CD53: variants seen among roughly 807,000 people sequenced by gnomAD.
CD53 encodes the protein leukocyte surface antigen CD53.
A neutral mutation model predicts 27.3 loss-of-function variants in CD53; 20 were observed. The observed-to-expected ratio is 0.73, with a 90% CI of 0.52 to 1.07. CD53 has a LOEUF of 1.07. Ranked by LOEUF, CD53 falls within the 50% of genes least tolerant of loss-of-function variation. CD53 has a pLI of 0.00. For synonymous variants in CD53, 106 were observed against 105.3 expected, an observed-to-expected ratio of 1.01 and a Z score of -0.04; for missense variants, 216 against 264.0, an observed-to-expected ratio of 0.82 and a Z score of 1.26.
intron 3 of CD53, among the ~76,000 whole-genome samples, chr1:110,893,951 A>G (rs1656955652): frequency 6.6e-6 from 1 of 152,210 alleles, no homozygotes; most frequent in African/African-American, 2.4e-5. Context: ...ACCCAGAGGT[A>G]TCCCTGATCT....
At position 110,899,915 on chromosome 1, in the gene CD53, TATCTC is replaced by T. The variant is rs1011520941; in HGVS notation, c.*722_*726del. The T allele has an allele frequency of 4.6e-5, 7 of 152,556 alleles. No individual in the cohort carries two copies. Among genetic ancestry groups the T allele is most frequent in the African/African-American group, 1.7e-4 (7 of 41,426 alleles). The allele number at this position is 152,556 out of a possible 1,614,324, so 9.5% of individuals were successfully genotyped here. ...TACTCTTCAATAAATAAAAGTTTAT[TATCTC>T]AATCACAACATTGCTATATATCAAA... On this transcript the variant is annotated 3_prime_UTR_variant, in exon 8 of 8. Coordinates refer to ENST00000271324, the MANE Select transcript of CD53 (RefSeq NM_000560.4).
chr1:110,875,185 T>A (rs114136501), intron 1 of CD53, among the ~76,000 whole-genome samples: 1 of 152,166 alleles, frequency 6.6e-6, no homozygotes, highest in Non-Finnish European at 1.5e-5. Flanking sequence ...CAAAGAAGTG[T>A]GTACCTCCAG....
rs538457820 is a variant in CD53 at position 110,884,221 on chromosome 1, T to A, written c.-17-7171T>A. ...TTTCAACATGTTTTTAAAGTTTTTC[T>A]CAATTCAGAATTCTAATTTTCTCTT... is the stretch of plus-strand genomic sequence containing the variant. On this transcript the variant is annotated intron_variant, in intron 1 of 7. Transcript: ENST00000271324. Among the ~76,000 whole-genome samples, 41 of 152,242 alleles carry A rather than the reference T, an allele frequency of 2.7e-4. No homozygotes were observed. In the South Asian group the frequency reaches 8.3e-3, roughly 31 times the overall value.
At chr1:110,883,094 A>G (rs899669148) in intron 1 of CD53, among the ~76,000 whole-genome samples, 6 of 151,964 alleles carry the variant, frequency 3.9e-5, no homozygotes, top group Non-Finnish European at 7.4e-5. Context: ...GTACAATGCC[A>G]AATAGAGTAG....
intron 1 of CD53, among the ~76,000 whole-genome samples, chr1:110,886,865 A>ATTTTT (rs1247400020): frequency 1.0e-3 from 45 of 44,356 alleles, no homozygotes; most frequent in South Asian, 2.6e-3. Context: ...ATATATATAT[A>ATTTTT]TATATTTTTT....
chr1:110,888,401 A>G (rs1214524427), intron 1 of CD53, among the ~76,000 whole-genome samples: 3 of 152,118 alleles, frequency 2.0e-5, no homozygotes, highest in Non-Finnish European at 4.4e-5. Context: ...TCTATGCTCC[A>G]TGGTTTGGAA....
chr1:110,873,156 C>A lies in CD53; in HGVS notation c.-110C>A, dbSNP rs892891529. ...TTCACTTCTCCTTTTACACAAATAG[C>A]CCCGGATATCTGTGTTACCAGCCTT... On this transcript the variant is annotated 5_prime_UTR_variant, in exon 1 of 8. Coordinates refer to ENST00000271324, the MANE Select transcript of CD53 (RefSeq NM_000560.4). The A allele has an allele frequency of 6.6e-6, 1 of 152,578 alleles. No homozygotes were observed. The highest frequency in any genetic ancestry group is 6.6e-5 in the Admixed American group (1 of 15,264). The allele number at this position is 152,578 out of a possible 1,614,324, so 9.5% of individuals were successfully genotyped here.
At position 110,896,727 on chromosome 1, in the gene CD53, A is replaced by C; in HGVS notation, c.498A>C (p.Lys166Asn). 1.2e-6 allele frequency: 2 copies of C among 1,612,402 alleles called. No homozygotes were observed. Among genetic ancestry groups the C allele is most frequent in the Non-Finnish European group, 1.7e-6 (2 of 1,179,348 alleles). ...GPPASCPSDRKVEGCYAKARL... is the reference protein window; with the variant it reads ...GPPASCPSDRNVEGCYAKARL... ...CAGCATCTTGCCCCTCAGATCGAAA[A>C]GTGGAGGTAATTTTGTCGGCAATGT... The change falls in exon 6 of 8, where the codon AAA (lysine) becomes AAC (asparagine). Residue 166 changes from lysine to asparagine, a missense_variant. Coordinates refer to ENST00000271324, the MANE Select transcript of CD53 (RefSeq NM_000560.4).
chr1:110,897,075 T>C (rs1380885986), intron 6 of CD53, among the ~76,000 whole-genome samples: 1 of 152,200 alleles, frequency 6.6e-6, no homozygotes, highest in Non-Finnish European at 1.5e-5. Flanking sequence ...AGGGTTGAGA[T>C]AGAAAAGTTT....
intron 1 of CD53, among the ~76,000 whole-genome samples, chr1:110,879,206 C>T (rs1656251289): frequency 6.6e-6 from 1 of 152,078 alleles, no homozygotes. Flanking sequence ...AGTGAGTTTT[C>T]ACTGAATAAG....
chr1:110,873,295 A>T (rs1189459289), intron 1 of CD53, 47 bp downstream of exon 1: 1 of 152,624 alleles, frequency 6.6e-6, no homozygotes, highest in Non-Finnish European at 1.5e-5. Flanking sequence ...AATGTGGGGT[A>T]GGGCGTATTC....
chr1:110,881,142 A>C lies in CD53; in HGVS notation c.-18+7894A>C, dbSNP rs528636321. Among the ~76,000 whole-genome samples the C allele has an allele frequency of 1.1e-4, 17 of 152,230 alleles. No individual in the cohort carries two copies. In the South Asian group the frequency reaches 3.5e-3, roughly 32 times the overall value. On this transcript the variant is annotated intron_variant, in intron 1 of 7. Transcript: ENST00000271324. ...CTTTGACGTAAGTGTACATGCATAA[A>C]TCCATCACCACAGTCAAAACACTGA... is the stretch of plus-strand genomic sequence containing the variant.
intron 1 of CD53, among the ~76,000 whole-genome samples, chr1:110,883,072 C>G (rs1012160768): frequency 6.6e-6 from 1 of 151,782 alleles, no homozygotes; most frequent in Non-Finnish European, 1.5e-5. Flanking sequence ...TTTGCACTGC[C>G]TAGAAACTCC....
intron 3 of CD53, among the ~76,000 whole-genome samples, chr1:110,894,032 T>A (rs1412554686): frequency 1.3e-5 from 2 of 152,204 alleles, no homozygotes; most frequent in Non-Finnish European, 2.9e-5. Context: ...TAGGCAGATG[T>A]CAAAATTGCT....
chr1:110,886,854 T>TATATATATATATATAG (rs1656626492), intron 1 of CD53, among the ~76,000 whole-genome samples: 1 of 71,658 alleles, frequency 1.4e-5, no homozygotes, highest in Non-Finnish European at 3.1e-5. Context: ...CCAATATATA[T>TATATATATATATATAG]ATATATATAT....
At chr1:110,874,061 ACT>A (rs1477130833) in intron 1 of CD53, among the ~76,000 whole-genome samples, 1 of 152,146 alleles carries the variant, frequency 6.6e-6, no homozygotes, top group Admixed American at 6.5e-5. Context: ...TTCGGTCCTG[ACT>A]CTCTGTGACC....
At chr1:110,895,249 CTCTT>C (rs1359094873) in intron 5 of CD53, among the ~76,000 whole-genome samples, 194 bp downstream of exon 5, 1 of 152,212 alleles carries the variant, frequency 6.6e-6, no homozygotes, top group Non-Finnish European at 1.5e-5. Context: ...TCTACATTCT[CTCTT>C]TCATCCTTTT....
In CD53 at chr1:110,873,948, C is replaced by T. The variant is rs549408653; in HGVS notation, c.-18+700C>T. 5.3e-5 allele frequency among the ~76,000 whole-genome samples: 8 copies of T among 152,254 alleles called. No homozygotes were observed. In the East Asian group the frequency reaches 7.7e-4, roughly 15 times the overall value. On this transcript the variant is annotated intron_variant, in intron 1 of 7. Coordinates refer to ENST00000271324, the MANE Select transcript of CD53 (RefSeq NM_000560.4). Reference sequence around the variant, plus strand: ...ACTGATAAATGTCACATGAAATGCACGTATAAAATGCAATCCCCAAAACTT... The same window carrying T: ...ACTGATAAATGTCACATGAAATGCATGTATAAAATGCAATCCCCAAAACTT...
In CD53 at chr1:110,899,318, C is replaced by A. The variant is rs1570916220; in HGVS notation, c.*123C>A. The A allele has an allele frequency of 1.5e-6, 1 of 679,422 alleles. No homozygotes were observed. The highest frequency in any genetic ancestry group is 2.8e-5 in the East Asian group (1 of 35,328). 42.1% of individuals were successfully genotyped at this position (679,422 alleles called of 1,614,324 possible). A position where few individuals can be genotyped will look rare whatever the true frequency, so the allele number is the denominator to read the frequency against. On this transcript the variant is annotated 3_prime_UTR_variant, in exon 8 of 8. Coordinates refer to ENST00000271324, the MANE Select transcript of CD53 (RefSeq NM_000560.4). ...CCTCCCATCCTTTCCCTTTTTAGGT[C>A]CCTGTCTTATACAACCAGAGAAGTG... is the stretch of plus-strand genomic sequence containing the variant.
Sources: gnomAD v4.1 joint callset for allele counts (sites outside exome capture counted in the v4.1 genomes callset) on GRCh38, gnomAD v4.1.1 for gene constraint, MANE v1.5 for transcripts, NCBI Gene and HGNC (gene_info 2026-07-23, HGNC 2026-07-21) for gene names.